Variants in TTC28 observed in about 807,000 individuals in gnomAD.
TTC28 encodes the protein tetratricopeptide repeat protein 28.
TTC28 carries 61 observed loss-of-function variants against 198.0 expected under a neutral mutation model. That is an observed-to-expected ratio of 0.31 (90% confidence interval 0.25 to 0.38). TTC28 has a LOEUF of 0.38. TTC28 is among the 10% of genes least tolerant of loss of function. The pLI is 1.00. For synonymous variants in TTC28, 1,171 were observed against 1,297.8 expected, an observed-to-expected ratio of 0.90 and a Z score of 2.10; for missense variants, 2,678 against 3,164.0, an observed-to-expected ratio of 0.85 and a Z score of 3.69.
intron 2 of TTC28, among the ~76,000 whole-genome samples, chr22:28,423,542 A>G (rs2047296986): frequency 6.6e-6 from 1 of 152,264 alleles, no homozygotes; most frequent in African/African-American, 2.4e-5. Flanking sequence ...CTATAATACT[A>G]CTGGACTAAA....
Position 28,050,925 on chromosome 22 carries a change from G to A in TTC28, c.3933-20559C>T, listed in dbSNP as rs897772505. On this transcript the variant is annotated intron_variant, in intron 12 of 22. Transcript: ENST00000397906. ...GATCTCCTTAATGAGGCAAACTGGA[G>A]GGGGTGTGTGGTAGCTTTATTTATA... 2.6e-5 allele frequency among the ~76,000 whole-genome samples: 4 copies of A among 152,146 alleles called. No homozygotes were observed. The South Asian group carries it at 6.2e-4, about 24-fold the overall frequency.
chr22:28,299,456 A>G (rs1022495551), intron 3 of TTC28, among the ~76,000 whole-genome samples: 36 of 152,188 alleles, frequency 2.4e-4, no homozygotes, highest in African/African-American at 8.7e-4. Context: ...GATCACTAAC[A>G]GAGAACAAAG....
chr22:28,389,657 T>C (rs917032046), intron 2 of TTC28, among the ~76,000 whole-genome samples: 2 of 151,162 alleles, frequency 1.3e-5, no homozygotes, highest in African/African-American at 4.9e-5. Context: ...TCTCTGATGG[T>C]AGTTTGTATT....
At chr22:28,551,725 C>T (rs574332306) in intron 2 of TTC28, among the ~76,000 whole-genome samples, 1 of 152,242 alleles carries the variant, frequency 6.6e-6, no homozygotes, top group South Asian at 2.1e-4. Context: ...AAGGGACATA[C>T]TTTAATGTAA....
At chr22:28,641,514 G>A (rs888818331) in intron 1 of TTC28, among the ~76,000 whole-genome samples, 2 of 152,138 alleles carry the variant, frequency 1.3e-5, no homozygotes, top group African/African-American at 4.8e-5. Context: ...GGAAGGAGAG[G>A]AAAATGAGGA....
intron 15 of TTC28, 164 bp from the exon 16 acceptor site, chr22:27,999,424 A>G: frequency 9.4e-7 from 1 of 1,066,954 alleles, no homozygotes; most frequent in Non-Finnish European, 1.3e-6. Flanking sequence ...CATCTTTTTG[A>G]CACAGGTGCC....
chr22:28,206,120 T>C (rs929154264), intron 5 of TTC28, among the ~76,000 whole-genome samples: 1 of 152,100 alleles, frequency 6.6e-6, no homozygotes, highest in Non-Finnish European at 1.5e-5. Flanking sequence ...TCTACTCCCA[T>C]GATTATTCTA....
intron 5 of TTC28, among the ~76,000 whole-genome samples, chr22:28,255,112 G>A (rs1029782793): frequency 1.3e-5 from 2 of 152,096 alleles, no homozygotes; most frequent in African/African-American, 4.8e-5. Flanking sequence ...CAAATGCAGA[G>A]CCATTTTGTA....
chr22:28,324,093 C>T (rs899241216), intron 2 of TTC28, among the ~76,000 whole-genome samples: 3 of 152,068 alleles, frequency 2.0e-5, no homozygotes, highest in Non-Finnish European at 2.9e-5. Context: ...CAACACCAGG[C>T]CTATTCTAAA....
chr22:28,154,622 C>G (rs1601396206), intron 6 of TTC28, among the ~76,000 whole-genome samples: 1 of 152,172 alleles, frequency 6.6e-6, no homozygotes, highest in East Asian at 1.9e-4. Context: ...TCCCAAAGTG[C>G]TGGGATTACA....
At chr22:28,166,406 T>C (rs1461657606) in intron 5 of TTC28, among the ~76,000 whole-genome samples, 2 of 152,270 alleles carry the variant, frequency 1.3e-5, no homozygotes, top group South Asian at 2.1e-4. Context: ...TATTCCAAAA[T>C]TGACCACATG....
At chr22:28,193,141 T>G (rs1925024608) in intron 5 of TTC28, among the ~76,000 whole-genome samples, 1 of 151,954 alleles carries the variant, frequency 6.6e-6, no homozygotes, top group Non-Finnish European at 1.5e-5. Flanking sequence ...TATTCAATAT[T>G]CTTAAAAGAA....
chr22:28,584,168 T>G (rs2050276149), intron 2 of TTC28, among the ~76,000 whole-genome samples: 1 of 152,152 alleles, frequency 6.6e-6, no homozygotes, highest in Non-Finnish European at 1.5e-5. Flanking sequence ...TCTTCTGAAA[T>G]AGCCTGATGC....
At chr22:28,678,664 A>C (rs138563917) in intron 1 of TTC28, among the ~76,000 whole-genome samples, 4,065 of 152,332 alleles carry the variant, frequency 0.027, 68 homozygotes, top group Non-Finnish European at 0.042. Context: ...TAATCTCAAG[A>C]AGCTCCTGAA....
chr22:28,569,199 A>AAATAAAT (rs2050025112), intron 2 of TTC28, among the ~76,000 whole-genome samples: 1 of 120,860 alleles, frequency 8.3e-6, no homozygotes, highest in African/African-American at 2.9e-5. Flanking sequence ...AATAAATAAA[A>AAATAAAT]TTCACATGGA....
At chr22:28,039,452 T>C (rs528027161) in intron 12 of TTC28, among the ~76,000 whole-genome samples, 1 of 141,402 alleles carries the variant, frequency 7.1e-6, no homozygotes, top group African/African-American at 2.7e-5. Flanking sequence ...TTCTCACTCA[T>C]AGGTGGGAAT....
chr22:28,221,952 A>G (rs1927906981), intron 5 of TTC28, among the ~76,000 whole-genome samples: 1 of 152,228 alleles, frequency 6.6e-6, no homozygotes, highest in Non-Finnish European at 1.5e-5. Flanking sequence ...GCTGGCATTT[A>G]GTGGTTACTC....
At chr22:28,644,243 C>CA (rs2051417845) in intron 1 of TTC28, among the ~76,000 whole-genome samples, 1 of 151,608 alleles carries the variant, frequency 6.6e-6, no homozygotes, top group Non-Finnish European at 1.5e-5. Flanking sequence ...ACTAAAAATA[C>CA]AAAAAATTAG....
chr22:28,307,162 T>C lies in TTC28; in HGVS notation c.382-519A>G, dbSNP rs561875731. 1.3e-4 allele frequency among the ~76,000 whole-genome samples: 20 copies of C among 152,346 alleles called. No homozygotes were observed. The South Asian group carries it at 3.9e-3, about 30-fold the overall frequency. On this transcript the variant is annotated intron_variant, in intron 2 of 22. Coordinates refer to ENST00000397906, the MANE Select transcript of TTC28 (RefSeq NM_001145418.2). Reference sequence around the variant, plus strand: ...AACATGGCTACTTACTTTTAATATGTTGTTTCACACATAATATTTAAAAGC... The same window carrying C: ...AACATGGCTACTTACTTTTAATATGCTGTTTCACACATAATATTTAAAAGC...
Sources: gnomAD v4.1 joint callset for allele counts (sites outside exome capture counted in the v4.1 genomes callset) on GRCh38, gnomAD v4.1.1 for gene constraint, MANE v1.5 for transcripts, NCBI Gene and HGNC (gene_info 2026-07-23, HGNC 2026-07-21) for gene names.